The following GPHN variants were observed in gnomAD, a reference collection of about 807,000 sequenced individuals.
GPHN encodes gephyrin.
Under a neutral mutation model 95.5 loss-of-function variants are expected in GPHN, and 17 were observed. The ratio of observed to expected loss-of-function variants is 0.18; its 90% CI spans 0.12 to 0.27. GPHN has a LOEUF of 0.27. GPHN is among the 10% of genes least tolerant of loss of function. The pLI, the probability that GPHN is intolerant of heterozygous loss-of-function variation, is 1.00. For missense variants in GPHN, 660 were observed against 978.1 expected (o/e 0.67, Z 4.34); for synonymous variants, 320 against 322.5 (o/e 0.99, Z 0.08).
the GPHN span, chr14:67,345,763 C>T: frequency 6.2e-7 from 1 of 1,602,878 alleles, no homozygotes. Flanking sequence ...TCTTTTGCTA[C>T]TTACCTGCAG....
the GPHN span, among the ~76,000 whole-genome samples, chr14:67,303,007 A>T: frequency 6.6e-6 from 1 of 152,202 alleles, no homozygotes; most frequent in Non-Finnish European, 1.5e-5. Flanking sequence ...CCGGCATAAT[A>T]ATCACTAGCT....
intron 3 of GPHN, among the ~76,000 whole-genome samples, chr14:66,798,456 G>A (rs114324873): frequency 0.024 from 3,676 of 151,734 alleles, 68 homozygotes; most frequent in Non-Finnish European, 0.036. Flanking sequence ...TTCTTTACTG[G>A]GAGATATTTT....
At chr14:67,371,608 C>T in the GPHN span, among the ~76,000 whole-genome samples, 1 of 152,156 alleles carries the variant, frequency 6.6e-6, no homozygotes, top group Non-Finnish European at 1.5e-5. Flanking sequence ...GGCTACAAAC[C>T]TGTACAGCAT....
chr14:66,987,521 C>T (rs908570151), intron 9 of GPHN, among the ~76,000 whole-genome samples: 9 of 151,830 alleles, frequency 5.9e-5, no homozygotes, highest in Non-Finnish European at 4.4e-5. Flanking sequence ...ACAAAAGATA[C>T]GTTTTATAAT....
chr14:67,411,340 T>C, the GPHN span, among the ~76,000 whole-genome samples: 3 of 152,102 alleles, frequency 2.0e-5, no homozygotes, highest in African/African-American at 7.2e-5. Flanking sequence ...TCCCAGCTAT[T>C]ACTGGCTCTG....
At chr14:67,268,206 A>G in the GPHN span, among the ~76,000 whole-genome samples, 4 of 152,156 alleles carry the variant, frequency 2.6e-5, no homozygotes, top group Non-Finnish European at 5.9e-5. Context: ...CTTCCTTCAC[A>G]TTCTCTCCAG....
chr14:66,634,551 T>G (rs918977015), intron 1 of GPHN, among the ~76,000 whole-genome samples: 4 of 152,072 alleles, frequency 2.6e-5, no homozygotes, highest in African/African-American at 9.7e-5. Flanking sequence ...CTTAAGGTCC[T>G]AGGTGGGGAG....
chr14:66,776,121 T>TA (rs531488735), intron 2 of GPHN, among the ~76,000 whole-genome samples: 15 of 152,244 alleles, frequency 9.9e-5, no homozygotes, highest in Non-Finnish European at 1.8e-4. Context: ...ATTTCTTTCT[T>TA]AAAAAAGTCA....
chr14:67,132,610 C>T (rs1022520661), intron 17 of GPHN, among the ~76,000 whole-genome samples: 4 of 151,932 alleles, frequency 2.6e-5, no homozygotes, highest in African/African-American at 7.2e-5. Context: ...AGGTTCTTTC[C>T]GATCTCAGTG....
At chr14:67,179,493 A>G (rs762039235) in intron 21 of GPHN, 85 bp from the exon 22 acceptor site, 3 of 786,972 alleles carry the variant, frequency 3.8e-6, no homozygotes, top group Non-Finnish European at 6.8e-6. Context: ...TGTCCACTGT[A>G]TTCTTTGCAC....
chr14:67,562,027 C>T, the GPHN span: 64 of 1,612,620 alleles, frequency 4.0e-5, no homozygotes, highest in African/African-American at 6.7e-5. Flanking sequence ...CTTCAAGATG[C>T]GCTAGAAGGT....
chr14:66,655,542 A>G (rs1172190820), intron 1 of GPHN, among the ~76,000 whole-genome samples: 1 of 152,084 alleles, frequency 6.6e-6, no homozygotes, highest in Non-Finnish European at 1.5e-5. Context: ...TGCCATTTGC[A>G]AATAGGGACA....
chr14:67,172,337 C>T (rs2082646118), intron 21 of GPHN, among the ~76,000 whole-genome samples: 1 of 152,176 alleles, frequency 6.6e-6, no homozygotes, highest in African/African-American at 2.4e-5. Flanking sequence ...AGCAGTCATG[C>T]ATCCCTAAGT....
At chr14:67,451,322 G>C in the GPHN span, among the ~76,000 whole-genome samples, 1 of 152,224 alleles carries the variant, frequency 6.6e-6, no homozygotes, top group Non-Finnish European at 1.5e-5. Flanking sequence ...TAGTGGAGCT[G>C]TGAGAAGAGG....
At chr14:66,856,054 G>A (rs766074484) in intron 4 of GPHN, among the ~76,000 whole-genome samples, 16 of 152,064 alleles carry the variant, frequency 1.1e-4, no homozygotes, top group Non-Finnish European at 1.6e-4. Context: ...TTGATGAAGA[G>A]ATCTTTTAGG....
At chr14:66,921,382 G>A (rs903323280) in intron 6 of GPHN, among the ~76,000 whole-genome samples, 20 of 149,952 alleles carry the variant, frequency 1.3e-4, no homozygotes, top group African/African-American at 2.2e-4. Flanking sequence ...TTTGTTGGCC[G>A]TTTGTATATC....
chr14:67,040,093 A>G (rs549212398), intron 10 of GPHN, among the ~76,000 whole-genome samples: 2 of 152,312 alleles, frequency 1.3e-5, no homozygotes, highest in Non-Finnish European at 2.9e-5. Flanking sequence ...TGAGTATTTT[A>G]TAGTACCTCA....
chr14:67,088,908 GC>G, intron 11 of GPHN, 74 bp from the exon 12 acceptor site: 1 of 817,312 alleles, frequency 1.2e-6, no homozygotes, highest in Non-Finnish European at 2.2e-6. Flanking sequence ...AAGCACTCAT[GC>G]CCATCTTGTT....
intron 1 of GPHN, among the ~76,000 whole-genome samples, chr14:66,586,091 T>C (rs1399732529): frequency 1.3e-5 from 2 of 152,228 alleles, no homozygotes; most frequent in Non-Finnish European, 2.9e-5. Flanking sequence ...GGTGCATATA[T>C]ATTTAGGGTA....
Sources: allele counts gnomAD v4.1 joint callset (sites outside exome capture counted in the v4.1 genomes callset), GRCh38; gene constraint gnomAD v4.1.1; transcripts MANE v1.5; gene names NCBI Gene and HGNC (gene_info 2026-07-23, HGNC 2026-07-21).